Variants in LHFPL3 observed in about 807,000 individuals in gnomAD.
The protein encoded by LHFPL3 is LHFPL tetraspan subfamily member 3, also known as LHFPL tetraspan subfamily member 3 protein.
A neutral mutation model predicts 19.3 loss-of-function variants in LHFPL3; 5 were observed. The observed-to-expected ratio is 0.26, with a 90% CI of 0.14 to 0.54. The LOEUF is 0.54. Ranked by LOEUF, LHFPL3 falls within the 20% of genes least tolerant of loss-of-function variation. LHFPL3 has a pLI of 0.94. For synonymous variants in LHFPL3, 133 were observed against 126.2 expected (o/e 1.05, Z -0.36); for missense variants, 249 against 307.4 (o/e 0.81, Z 1.42).
At chr7:104,376,230 G>A (rs558645516) in intron 1 of LHFPL3, among the ~76,000 whole-genome samples, 3 of 152,260 alleles carry the variant, frequency 2.0e-5, no homozygotes, top group Admixed American at 6.5e-5. Context: ...GGCACTTTTT[G>A]TGCCAGGTTC....
intron 1 of LHFPL3, among the ~76,000 whole-genome samples, chr7:104,715,878 CT>C (rs1468817012): frequency 1.3e-5 from 2 of 152,154 alleles, no homozygotes; most frequent in Non-Finnish European, 2.9e-5. Context: ...CTTTGCCTGG[CT>C]TTGGCGTCAG....
chr7:104,630,941 A>G (rs1791628107), intron 1 of LHFPL3, among the ~76,000 whole-genome samples: 1 of 152,128 alleles, frequency 6.6e-6, no homozygotes, highest in Non-Finnish European at 1.5e-5. Flanking sequence ...CCTGATTGGA[A>G]AGGAAAGAGC....
At chr7:104,710,632 G>T (rs1423538666) in intron 1 of LHFPL3, among the ~76,000 whole-genome samples, 1 of 152,120 alleles carries the variant, frequency 6.6e-6, no homozygotes, top group Non-Finnish European at 1.5e-5. Context: ...AGTTATTTAA[G>T]TTCTCTATTT....
chr7:104,493,228 G>A (rs1461916535), intron 1 of LHFPL3, among the ~76,000 whole-genome samples: 1 of 152,066 alleles, frequency 6.6e-6, no homozygotes, highest in Non-Finnish European at 1.5e-5. Flanking sequence ...TTCTTAAAAT[G>A]TGCTTCCCCT....
intron 2 of LHFPL3, among the ~76,000 whole-genome samples, chr7:104,837,860 G>GTGTT (rs1791127236): frequency 6.6e-6 from 1 of 152,142 alleles, no homozygotes; most frequent in Admixed American, 6.6e-5. Context: ...ACTTATCACG[G>GTGTT]TGTTTGATAG....
At chr7:104,421,519 G>A (rs765188383) in intron 1 of LHFPL3, among the ~76,000 whole-genome samples, 1 of 152,164 alleles carries the variant, frequency 6.6e-6, no homozygotes, top group Non-Finnish European at 1.5e-5. Flanking sequence ...AAGAGGTCAT[G>A]AAGATAATTT....
At chr7:104,387,870 T>G (rs989186767) in intron 1 of LHFPL3, among the ~76,000 whole-genome samples, 1 of 152,168 alleles carries the variant, frequency 6.6e-6, no homozygotes, top group African/African-American at 2.4e-5. Flanking sequence ...GGGTTTGGTG[T>G]ACAGATTATT....
rs376206281 is a variant in LHFPL3 at position 104,797,819 on chromosome 7, G to A, written c.682+60908G>A. Reference sequence around the variant, plus strand: ...TAGTCTCAGCTACTTGGGGTGCTAAGGCAAAAGGATTGCTTGAGCCCAGGA... The same window carrying A: ...TAGTCTCAGCTACTTGGGGTGCTAAAGCAAAAGGATTGCTTGAGCCCAGGA... On this transcript the variant is annotated intron_variant, in intron 2 of 2. Coordinates refer to ENST00000424859, the MANE Select transcript of LHFPL3 (RefSeq NM_199000.3). 4.6e-5 allele frequency among the ~76,000 whole-genome samples: 7 copies of A among 152,086 alleles called. No homozygotes were observed. The East Asian group carries it at 5.8e-4, about 13-fold the overall frequency.
chr7:104,479,208 C>T (rs1407239324), intron 1 of LHFPL3, among the ~76,000 whole-genome samples: 1 of 152,118 alleles, frequency 6.6e-6, no homozygotes, highest in Non-Finnish European at 1.5e-5. Context: ...TCACTGTGTG[C>T]CCTTCATAGT....
intron 1 of LHFPL3, among the ~76,000 whole-genome samples, chr7:104,658,231 A>C (rs1231013974): frequency 6.6e-6 from 1 of 152,184 alleles, no homozygotes; most frequent in Non-Finnish European, 1.5e-5. Flanking sequence ...CTCAGTTCTG[A>C]TTTCTTTTAA....
intron 2 of LHFPL3, among the ~76,000 whole-genome samples, chr7:104,880,358 G>A (rs1259374495): frequency 6.6e-6 from 1 of 152,062 alleles, no homozygotes; most frequent in Non-Finnish European, 1.5e-5. Context: ...CTCATCAGGA[G>A]GAGATGCTGC....
chr7:104,425,356 CCTCT>C (rs1214390595), intron 1 of LHFPL3, among the ~76,000 whole-genome samples: 1 of 136,030 alleles, frequency 7.4e-6, no homozygotes, highest in African/African-American at 3.2e-5. Flanking sequence ...CCTTTGTTGA[CCTCT>C]CTGAGTCTGT....
At chr7:104,633,350 A>G (rs1437881245) in intron 1 of LHFPL3, among the ~76,000 whole-genome samples, 1 of 152,200 alleles carries the variant, frequency 6.6e-6, no homozygotes, top group African/African-American at 2.4e-5. Flanking sequence ...CCTATCCACA[A>G]CAGGCATTTT....
chr7:104,778,452 G>A (rs1794667438), intron 2 of LHFPL3, among the ~76,000 whole-genome samples: 1 of 152,160 alleles, frequency 6.6e-6, no homozygotes, highest in African/African-American at 2.4e-5. Context: ...TTACCCAAGA[G>A]GCGTCCTGAG....
intron 1 of LHFPL3, among the ~76,000 whole-genome samples, chr7:104,700,971 G>C (rs1799801255): frequency 6.6e-6 from 1 of 152,062 alleles, no homozygotes; most frequent in African/African-American, 2.4e-5. Flanking sequence ...AGGATCTATT[G>C]TTTCAGGATC....
At chr7:104,429,161 A>T (rs1174217550) in intron 1 of LHFPL3, among the ~76,000 whole-genome samples, 4 of 152,180 alleles carry the variant, frequency 2.6e-5, no homozygotes, top group East Asian at 1.9e-4. Flanking sequence ...TTAAAAAAAT[A>T]AACTAAAGGA....
chr7:104,643,590 C>A (rs879316739), intron 1 of LHFPL3, among the ~76,000 whole-genome samples: 1 of 152,090 alleles, frequency 6.6e-6, no homozygotes, highest in South Asian at 2.1e-4. Context: ...AGAGGGCTTG[C>A]GGTCAGTAGA....
At chr7:104,616,208 G>T (rs191325184) in intron 1 of LHFPL3, among the ~76,000 whole-genome samples, 1 of 152,088 alleles carries the variant, frequency 6.6e-6, no homozygotes, top group Non-Finnish European at 1.5e-5. Context: ...GAACAAAGCT[G>T]GAGGCATCAT....
intron 1 of LHFPL3, among the ~76,000 whole-genome samples, chr7:104,420,106 G>T (rs1388560736): frequency 6.6e-6 from 1 of 152,184 alleles, no homozygotes; most frequent in African/African-American, 2.4e-5. Context: ...GACCCCACCT[G>T]CCTAGATTGG....
Sources: gnomAD v4.1 joint callset for allele counts (sites outside exome capture counted in the v4.1 genomes callset) on GRCh38, gnomAD v4.1.1 for gene constraint, MANE v1.5 for transcripts, NCBI Gene and HGNC (gene_info 2026-07-23, HGNC 2026-07-21) for gene names.